SLC36A4: variants seen among roughly 807,000 people sequenced by gnomAD.
The protein encoded by SLC36A4 is neutral amino acid uniporter 4.
SLC36A4 carries 49 observed loss-of-function variants against 50.5 expected under a neutral mutation model. The observed-to-expected ratio is 0.97, with a 90% CI of 0.77 to 1.23. The LOEUF (loss-of-function observed/expected upper bound fraction) is 1.23. Among genes scored for constraint, SLC36A4 ranks in the 50% most tolerant of loss-of-function variants. SLC36A4 has a pLI of 0.00. For missense variants in SLC36A4, 611 were observed against 608.4 expected (o/e 1.00, Z -0.05); for synonymous variants, 207 against 206.5 (o/e 1.00, Z -0.02).
chr11:93,170,645 A>G (rs1405859260), intron 6 of SLC36A4, among the ~76,000 whole-genome samples: 2 of 151,988 alleles, frequency 1.3e-5, no homozygotes, highest in Non-Finnish European at 2.9e-5. Flanking sequence ...TACATTTTTT[A>G]TTTGTAATAC....
At position 93,162,756 on chromosome 11, in the gene SLC36A4, G is replaced by A. The variant is rs1376545710; in HGVS notation, c.987C>T (p.Phe329=). Residue 329 remains phenylalanine, a synonymous_variant, in exon 9 of 11, where the codon TTC becomes TTT. Transcript: ENST00000326402. ...VTLATLGYMC[F]HDEIKGSITL... ...TTATGCTGCCTTTGATTTCATCATGGAAACACATATATCCTAAAGTAGCTA... is the reference window on the plus strand; with the variant it reads ...TTATGCTGCCTTTGATTTCATCATGAAAACACATATATCCTAAAGTAGCTA... The A allele has an allele frequency of 6.2e-7, 1 of 1,612,930 alleles. No homozygotes were observed. Among genetic ancestry groups the A allele is most frequent in the East Asian group, 2.2e-5 (1 of 44,798 alleles).
intron 6 of SLC36A4, among the ~76,000 whole-genome samples, chr11:93,179,533 TTTCCAGACATTTAAGG>T (rs1861642280): frequency 6.6e-6 from 1 of 152,176 alleles, no homozygotes; most frequent in Non-Finnish European, 1.5e-5. Flanking sequence ...GACATTTAAG[TTTCCAGACATTTAAGG>T]TTCCAGATAT....
At chr11:93,162,303 C>T (rs1451737432) in intron 9 of SLC36A4, among the ~76,000 whole-genome samples, 2 of 151,908 alleles carry the variant, frequency 1.3e-5, no homozygotes, top group Non-Finnish European at 2.9e-5. Flanking sequence ...ATAAATAAAT[C>T]ACAGTAATTT....
chr11:93,191,364 C>G (rs773975209), intron 1 of SLC36A4, among the ~76,000 whole-genome samples: 29 of 152,180 alleles, frequency 1.9e-4, no homozygotes, highest in Non-Finnish European at 3.7e-4. Flanking sequence ...GCTTGAGAAA[C>G]TTTAGGTTGG....
chr11:93,157,913 C>A (rs1317173053), intron 9 of SLC36A4, among the ~76,000 whole-genome samples: 1 of 151,996 alleles, frequency 6.6e-6, no homozygotes, highest in Non-Finnish European at 1.5e-5. Flanking sequence ...CTATGTTGAA[C>A]AGAAGTGGTG....
Position 93,148,721 on chromosome 11 carries a change from T to C in SLC36A4, c.1331A>G (p.His444Arg), listed in dbSNP as rs200564595. The C allele has an allele frequency of 2.5e-6, 4 of 1,612,840 alleles. No individual in the cohort carries two copies. Among genetic ancestry groups the C allele is most frequent in the East Asian group, 4.5e-5 (2 of 44,824 alleles). The change falls in exon 11 of 11, where the codon CAT (histidine) becomes CGT (arginine). Residue 444 changes from histidine to arginine, a missense_variant. His to Arg is a conservative substitution (Grantham distance 29). Transcript: ENST00000326402. Reference protein sequence around the residue: ...LVEILTFSKEHYNIWMVLKNI... With the variant: ...LVEILTFSKERYNIWMVLKNI... ...TTTCAGGACCATCCATATATTATAATGTTCCTTCGAAAATGTAAGAATTTC... is the reference window on the plus strand; with the variant it reads ...TTTCAGGACCATCCATATATTATAACGTTCCTTCGAAAATGTAAGAATTTC...
At chr11:93,190,152 T>A (rs575650799) in intron 1 of SLC36A4, among the ~76,000 whole-genome samples, 1 of 152,298 alleles carries the variant, frequency 6.6e-6, no homozygotes, top group East Asian at 1.9e-4. Flanking sequence ...TAGAAAACAT[T>A]AAACATGACT....
chr11:93,196,491 C>T (rs985856645), intron 1 of SLC36A4, among the ~76,000 whole-genome samples: 1 of 152,102 alleles, frequency 6.6e-6, no homozygotes, highest in Non-Finnish European at 1.5e-5. Context: ...CTCAGCCACC[C>T]GAGTAGCTGG....
rs1859893210 is a variant in SLC36A4, at chr11:93,147,714, G to A, written c.*823C>T. On this transcript the variant is annotated 3_prime_UTR_variant, in exon 11 of 11. Coordinates refer to ENST00000326402, the MANE Select transcript of SLC36A4 (RefSeq NM_152313.4). ...CTGAACATAATTTATTCTTTTTCTTGGACATGATGTGAGAAATAAAACATC... is the reference window on the plus strand; with the variant it reads ...CTGAACATAATTTATTCTTTTTCTTAGACATGATGTGAGAAATAAAACATC... 6.6e-6 allele frequency: 1 copy of A among 151,936 alleles called. No individual in the cohort carries two copies. Among genetic ancestry groups the A allele is most frequent in the Non-Finnish European group, 1.5e-5 (1 of 67,954 alleles). 9.4% of individuals were successfully genotyped at this position (151,936 alleles called of 1,614,324 possible).
At chr11:93,197,082 C>T (rs1183480306) in intron 1 of SLC36A4, 1 of 152,162 alleles carries the variant, frequency 6.6e-6, no homozygotes. Context: ...CTTGAAGATT[C>T]CATTTAGATT....
chr11:93,189,593 T>C (rs1370590456), intron 1 of SLC36A4, among the ~76,000 whole-genome samples: 1 of 152,226 alleles, frequency 6.6e-6, no homozygotes, highest in Non-Finnish European at 1.5e-5. Context: ...TTTATTCATT[T>C]AGCTTATCCA....
In SLC36A4 at chr11:93,144,357, T is replaced by C. The variant is rs972242640; in HGVS notation, c.*4180A>G. ...CACCCACAGCTGAATTTATTCAGGG[T>C]GTAAACATATATTTTCCTATTTGTT... On this transcript the variant is annotated 3_prime_UTR_variant, in exon 11 of 11. Coordinates refer to ENST00000326402, the MANE Select transcript of SLC36A4 (RefSeq NM_152313.4). 2.6e-5 allele frequency: 4 copies of C among 152,116 alleles called. No homozygotes were observed. The highest frequency in any genetic ancestry group is 9.7e-5 in the African/African-American group (4 of 41,450). 9.4% of individuals were successfully genotyped at this position (152,116 alleles called of 1,614,324 possible).
At chr11:93,169,309 G>A (rs56215497) in intron 6 of SLC36A4, among the ~76,000 whole-genome samples, 32 of 152,048 alleles carry the variant, frequency 2.1e-4, no homozygotes, top group East Asian at 1.4e-3. Context: ...TAAATCTTGC[G>A]TAATATCAAG....
chr11:93,174,676 A>C (rs1023658738), intron 6 of SLC36A4, among the ~76,000 whole-genome samples: 4 of 135,884 alleles, frequency 2.9e-5, no homozygotes, highest in African/African-American at 8.1e-5. Context: ...GAATTTTGTC[A>C]AAGGCTTTTT....
chr11:93,162,729 A>G lies in SLC36A4; in HGVS notation c.1014T>C (p.Thr338=). 6.2e-7 allele frequency: 1 copy of G among 1,610,546 alleles called. No individual in the cohort carries two copies. The highest frequency in any genetic ancestry group is 1.7e-5 in the Admixed American group (1 of 58,932). The change falls in exon 9 of 11, where the codon ACT becomes ACC. Residue 338 remains threonine, a synonymous_variant. Coordinates refer to ENST00000326402, the MANE Select transcript of SLC36A4 (RefSeq NM_152313.4). ...ACCATACATCTTGGGGAAGATTTAAAGTTATGCTGCCTTTGATTTCATCAT... is the reference window on the plus strand; with the variant it reads ...ACCATACATCTTGGGGAAGATTTAAGGTTATGCTGCCTTTGATTTCATCAT... ...CFHDEIKGSI[T]LNLPQDVWLY... is the part of the protein sequence containing the mutation.
At chr11:93,167,849 G>C in intron 7 of SLC36A4, 95 bp downstream of exon 7, 2 of 712,004 alleles carry the variant, frequency 2.8e-6, no homozygotes, top group Non-Finnish European at 4.8e-6. Flanking sequence ...TATGAAGTAG[G>C]GGTCTTTGCA....
intron 10 of SLC36A4, chr11:93,152,866 A>T (rs1860160295): frequency 6.6e-6 from 1 of 152,112 alleles, no homozygotes; most frequent in African/African-American, 2.4e-5. Context: ...TCATTACCAA[A>T]ATGTCAATAA....
chr11:93,159,774 A>G (rs1338010353), intron 9 of SLC36A4: 1 of 969,864 alleles, frequency 1.0e-6, no homozygotes, highest in African/African-American at 1.8e-5. Flanking sequence ...ATTAAGGGTA[A>G]TAATAACTTG....
intron 1 of SLC36A4, among the ~76,000 whole-genome samples, chr11:93,187,686 CTA>C (rs1180519738): frequency 6.6e-6 from 1 of 152,206 alleles, no homozygotes; most frequent in Non-Finnish European, 1.5e-5. Flanking sequence ...CCCTCTGTCA[CTA>C]TAGTGAAGTT....
Sources: allele counts gnomAD v4.1 joint callset (sites outside exome capture counted in the v4.1 genomes callset), GRCh38; gene constraint gnomAD v4.1.1; transcripts MANE v1.5; gene names NCBI Gene and HGNC (gene_info 2026-07-23, HGNC 2026-07-21).